PARN: variants seen among roughly 807,000 people sequenced by gnomAD.
PARN encodes poly(A)-specific ribonuclease PARN.
In PARN, 71 loss-of-function variants were observed where a neutral mutation model predicts 102.8. The ratio of observed to expected loss-of-function variants is 0.69; its 90% CI spans 0.57 to 0.84. PARN has a LOEUF of 0.84. Ranked by LOEUF, PARN falls within the 40% of genes least tolerant of loss-of-function variation. The pLI, the probability that PARN is intolerant of heterozygous loss-of-function variation, is 0.00. For missense variants in PARN, 782 were observed against 760.9 expected, an observed-to-expected ratio of 1.03 and a Z score of -0.33; for synonymous variants, 261 against 252.9, an observed-to-expected ratio of 1.03 and a Z score of -0.30.
chr16:14,522,143 C>T (rs942777908), intron 21 of PARN, among the ~76,000 whole-genome samples: 1 of 152,108 alleles, frequency 6.6e-6, no homozygotes, highest in Non-Finnish European at 1.5e-5. Context: ...TACTAAGGAG[C>T]TAAGTCAAAG....
chr16:14,525,443 G>A (rs1756046235), intron 21 of PARN, among the ~76,000 whole-genome samples: 1 of 152,132 alleles, frequency 6.6e-6, no homozygotes, highest in African/African-American at 2.4e-5. Context: ...CCCAGACCAA[G>A]GTGGGGTGCA....
chr16:14,555,968 G>A (rs578033484), intron 18 of PARN, among the ~76,000 whole-genome samples: 1 of 151,568 alleles, frequency 6.6e-6, no homozygotes, highest in Non-Finnish European at 1.5e-5. Context: ...CCAGTTAAGT[G>A]GTTCTTCTGC....
chr16:14,436,539 G>A lies in PARN; in HGVS notation c.*178C>T, dbSNP rs1449056004. The A allele has an allele frequency of 3.3e-6, 2 of 607,600 alleles. No homozygotes were observed. Among genetic ancestry groups the A allele is most frequent in the Non-Finnish European group, 5.9e-6 (2 of 340,156 alleles). 37.6% of individuals were successfully genotyped at this position (607,600 alleles called of 1,614,324 possible). A position where few individuals can be genotyped will look rare whatever the true frequency, so the allele number is the denominator to read the frequency against. ...TGTCAACAGGCAGTTAGATTAAAAA[G>A]GGGAAAAAACCACAGCCACAAAAAT... On this transcript the variant is annotated 3_prime_UTR_variant, in exon 24 of 24. Transcript: ENST00000437198.
In PARN at chr16:14,526,179, GTT is replaced by G. The variant is rs370572514; in HGVS notation, c.1480+25840_1480+25841del. 3.2e-4 allele frequency among the ~76,000 whole-genome samples: 43 copies of G among 134,564 alleles called. No individual in the cohort carries two copies. In the East Asian group the frequency reaches 8.5e-3, roughly 26 times the overall value. 88.3% of individuals were successfully genotyped at this position (134,564 alleles called of 152,430 possible). On this transcript the variant is annotated intron_variant, in intron 21 of 23. Transcript: ENST00000437198. Reference sequence around the variant, plus strand: ...AAAAGAATTAAATAAATCATCCACTGTTTTTTTTTTTTTTTGAGACGGAGTCT... The same window carrying G: ...AAAAGAATTAAATAAATCATCCACTGTTTTTTTTTTTTTGAGACGGAGTCT...
At chr16:14,501,670 C>T (rs1285036437) in intron 21 of PARN, 1 of 152,062 alleles carries the variant, frequency 6.6e-6, no homozygotes, top group African/African-American at 2.4e-5. Context: ...TTAAAGCCAT[C>T]ATGGTGAGAG....
intron 21 of PARN, among the ~76,000 whole-genome samples, chr16:14,537,096 G>T (rs1966641776): frequency 6.6e-6 from 1 of 152,060 alleles, no homozygotes; most frequent in South Asian, 2.1e-4. Context: ...CAATGGCAAA[G>T]AACCCACATG....
chr16:14,517,568 A>C (rs533056317), intron 21 of PARN, among the ~76,000 whole-genome samples: 1 of 152,364 alleles, frequency 6.6e-6, no homozygotes, highest in African/African-American at 2.4e-5. Flanking sequence ...GGACATCTGA[A>C]AAATAGAATA....
rs1970203630 is a variant in PARN at position 14,591,693 on chromosome 16, C to T, written c.918+1608G>A. ...GGTTGAAGGGGGACAGGAAATGCTG[C>T]CTGGAATTTGCTAAACTCAAAGATG... On this transcript the variant is annotated intron_variant, in intron 13 of 23. Transcript: ENST00000437198. Among the ~76,000 whole-genome samples, 3 of 152,050 alleles carry T rather than the reference C, an allele frequency of 2.0e-5. No individual in the cohort carries two copies. The South Asian group carries it at 6.2e-4, about 32-fold the overall frequency.
chr16:14,485,068 C>T (rs1286149268), intron 21 of PARN, among the ~76,000 whole-genome samples: 4 of 152,124 alleles, frequency 2.6e-5, no homozygotes, highest in Admixed American at 2.6e-4. Context: ...AAAGAAAGTG[C>T]TAGAGAATGT....
intron 21 of PARN, among the ~76,000 whole-genome samples, chr16:14,503,883 T>C (rs1168952552): frequency 6.6e-6 from 1 of 152,200 alleles, no homozygotes; most frequent in Non-Finnish European, 1.5e-5. Flanking sequence ...CATACAATGC[T>C]GCAAGGAGCT....
chr16:14,463,545 G>A (rs531824009), intron 22 of PARN, among the ~76,000 whole-genome samples: 1 of 152,006 alleles, frequency 6.6e-6, no homozygotes, highest in East Asian at 1.9e-4. Flanking sequence ...GACACTGAAG[G>A]GTATTTATAA....
intron 21 of PARN, chr16:14,501,489 A>G (rs1254517153): frequency 6.7e-6 from 1 of 148,936 alleles, no homozygotes; most frequent in Non-Finnish European, 1.5e-5. Flanking sequence ...GAATGTTAAA[A>G]TGTAGGCAGA....
chr16:14,550,188 A>T (rs1174177520), intron 21 of PARN, among the ~76,000 whole-genome samples: 1 of 149,694 alleles, frequency 6.7e-6, no homozygotes, highest in East Asian at 2.0e-4. Context: ...TGAGCTTTCT[A>T]ATAATTCAAT....
At chr16:14,525,976 G>T (rs2151659909) in intron 21 of PARN, among the ~76,000 whole-genome samples, 1 of 151,732 alleles carries the variant, frequency 6.6e-6, no homozygotes, top group African/African-American at 2.4e-5. Flanking sequence ...GCACCACCAG[G>T]CCCGGCTAAT....
chr16:14,528,838 C>A (rs1966157443), intron 21 of PARN, among the ~76,000 whole-genome samples: 1 of 152,166 alleles, frequency 6.6e-6, no homozygotes, highest in Admixed American at 6.5e-5. Context: ...GATATTTCAA[C>A]TAGTTGAGTA....
intron 21 of PARN, among the ~76,000 whole-genome samples, chr16:14,490,296 G>A (rs1464975061): frequency 6.6e-6 from 1 of 152,194 alleles, no homozygotes; most frequent in Non-Finnish European, 1.5e-5. Context: ...AAAAGGGACT[G>A]GCCCAAGGTC....
intron 5 of PARN, among the ~76,000 whole-genome samples, chr16:14,619,164 C>G (rs1329761514): frequency 1.3e-5 from 2 of 152,258 alleles, no homozygotes; most frequent in Non-Finnish European, 1.5e-5. Context: ...CATCATGCCA[C>G]TGCACTCCAG....
intron 13 of PARN, among the ~76,000 whole-genome samples, chr16:14,589,445 G>A (rs939578825): frequency 3.1e-4 from 46 of 150,320 alleles, no homozygotes; most frequent in Middle Eastern, 3.3e-3. Context: ...TGTGCCTGTG[G>A]TCCCAGCTAC....
chr16:14,448,181 C>T (rs940976563), intron 22 of PARN, among the ~76,000 whole-genome samples: 1 of 151,834 alleles, frequency 6.6e-6, no homozygotes, highest in Non-Finnish European at 1.5e-5. Flanking sequence ...CAGAGTCTCG[C>T]TCTGTCCCCC....
Sources: allele counts gnomAD v4.1 joint callset (sites outside exome capture counted in the v4.1 genomes callset), GRCh38; gene constraint gnomAD v4.1.1; transcripts MANE v1.5; gene names NCBI Gene and HGNC (gene_info 2026-07-23, HGNC 2026-07-21).